Variants in EIF2AK2 observed in about 807,000 individuals in gnomAD.
The protein encoded by EIF2AK2 is interferon-induced, double-stranded RNA-activated protein kinase.
A neutral mutation model predicts 70.5 loss-of-function variants in EIF2AK2; 40 were observed. That is an observed-to-expected ratio of 0.57 (90% confidence interval 0.44 to 0.74). EIF2AK2 has a LOEUF of 0.74. Among genes scored for constraint, EIF2AK2 ranks in the 30% least tolerant of loss-of-function variants. The pLI, the probability that EIF2AK2 is intolerant of heterozygous loss-of-function variation, is 0.00. For synonymous variants in EIF2AK2, 198 were observed against 220.9 expected, an observed-to-expected ratio of 0.90 and a Z score of 0.92; for missense variants, 555 against 644.3, an observed-to-expected ratio of 0.86 and a Z score of 1.50.
rs75516202 is a variant in EIF2AK2 at position 37,133,851 on chromosome 2, G to A, written c.785+1633C>T. Among the ~76,000 whole-genome samples, 1,174 of 152,118 alleles carry A rather than the reference G, an allele frequency of 7.7e-3. 20 individuals carry two copies. Among genetic ancestry groups the A allele is most frequent in the African/African-American group, 0.027 (1,116 of 41,490 alleles). On this transcript the variant is annotated intron_variant, in intron 10 of 16. Transcript: ENST00000233057. ...TCCTTACTATTCCACGGGATTTATG[G>A]CTTCAAGGAACCTTCCAGGACTTTA...
intron 1 of EIF2AK2, among the ~76,000 whole-genome samples, chr2:37,153,235 G>A (rs901493279): frequency 4.6e-5 from 7 of 150,846 alleles, no homozygotes; most frequent in African/African-American, 1.2e-4. Flanking sequence ...TTGTGTAGCC[G>A]CCACCACATC....
rs746043207 is a variant in EIF2AK2, at chr2:37,126,307, C to T, written c.890G>A (p.Arg297His). The T allele has an allele frequency of 3.1e-6, 5 of 1,605,128 alleles. No individual in the cohort carries two copies. The highest frequency in any genetic ancestry group is 1.7e-5 in the Admixed American group (1 of 57,536). ...RIDGKTYVIKRVKYNNEKAER... is the reference protein window; with the variant it reads ...RIDGKTYVIKHVKYNNEKAER... ...TACTTACTCGTTATTATATTTAACA[C>T]GTTTAATAACGTAAGTCTTTCCGTC... The change falls in exon 11 of 17, where the codon CGT (arginine) becomes CAT (histidine). Residue 297 changes from arginine (R) to histidine (H), a missense_variant. Coordinates refer to ENST00000233057, the MANE Select transcript of EIF2AK2 (RefSeq NM_001135651.3).
chr2:37,143,866 C>CA (rs1675429459), intron 4 of EIF2AK2, among the ~76,000 whole-genome samples: 1 of 152,052 alleles, frequency 6.6e-6, no homozygotes, highest in South Asian at 2.1e-4. Flanking sequence ...GCCTGGGTGA[C>CA]AGAGTACGAC....
At chr2:37,153,345 T>C (rs1347881565) in intron 1 of EIF2AK2, among the ~76,000 whole-genome samples, 1 of 144,280 alleles carries the variant, frequency 6.9e-6, no homozygotes, top group Admixed American at 6.9e-5. Flanking sequence ...ATCTTTTTTT[T>C]TTTTTTTTTT....
rs566438160 is a variant in EIF2AK2 at position 37,122,438 on chromosome 2, G to A, written c.1067+68C>T. On this transcript the variant is annotated intron_variant, in intron 12 of 16. Coordinates refer to ENST00000233057, the MANE Select transcript of EIF2AK2 (RefSeq NM_001135651.3). Reference sequence around the variant, plus strand: ...GTGATGATTAATAGCCTTATCCAGTGGCCCATACATAGTAAATAACAATTT... The same window carrying A: ...GTGATGATTAATAGCCTTATCCAGTAGCCCATACATAGTAAATAACAATTT... 1,345 of 1,502,258 alleles carry A rather than the reference G, an allele frequency of 9.0e-4. 21 individuals are homozygous for A. The South Asian group carries it at 0.015, about 17-fold the overall frequency. 93.1% of individuals were successfully genotyped at this position (1,502,258 alleles called of 1,614,324 possible).
intron 10 of EIF2AK2, among the ~76,000 whole-genome samples, chr2:37,128,120 C>T (rs1476028932): frequency 1.3e-5 from 2 of 152,248 alleles, no homozygotes; most frequent in Non-Finnish European, 2.9e-5. Context: ...TTTGTTCCTA[C>T]CATAAACCTG....
chr2:37,141,672 CGTT>C lies in EIF2AK2; in HGVS notation c.267_269del (p.Thr90del). 1 of 1,612,870 alleles carries C rather than the reference CGTT, an allele frequency of 6.2e-7. No individual in the cohort carries two copies. The highest frequency in any genetic ancestry group is 8.5e-7 in the Non-Finnish European group (1 of 1,179,592). The stretch of plus-strand genomic sequence containing the variant: ...CCATGGATAATCCTTCTGAAGAATT[CGTT>C]GTTGTCAATAATAAAGGACTAACTG... On this transcript the variant is annotated inframe_deletion, in exon 5 of 17. Transcript: ENST00000233057.
chr2:37,122,584 A>C lies in EIF2AK2; in HGVS notation c.989T>G (p.Phe330Cys). 1 of 1,614,178 alleles carries C rather than the reference A, an allele frequency of 6.2e-7. No homozygotes were observed. The highest frequency in any genetic ancestry group is 8.5e-7 in the Non-Finnish European group (1 of 1,180,028). Residue 330 changes from phenylalanine (F) to cysteine (C), a missense_variant, in exon 12 of 17, where the codon TTT becomes TGT. Phe to Cys is a radical substitution (Grantham distance 205). Coordinates refer to ENST00000233057, the MANE Select transcript of EIF2AK2 (RefSeq NM_001135651.3). ...IVHYNGCWDG[F>C]DYDPETSDDS... ...ATCACTGGTCTCAGGATCATAATCA[A>C]ATCCATCCCAACAGCCATTGTAGTG...
chr2:37,146,001 G>A (rs565597446), intron 4 of EIF2AK2, among the ~76,000 whole-genome samples: 3 of 151,984 alleles, frequency 2.0e-5, no homozygotes, highest in Non-Finnish European at 4.4e-5. Context: ...TGATCCACCC[G>A]CCTCAGCTTC....
At chr2:37,123,051 C>T (rs2148680080) in intron 11 of EIF2AK2, among the ~76,000 whole-genome samples, 1 of 151,892 alleles carries the variant, frequency 6.6e-6, no homozygotes, top group South Asian at 2.1e-4. Flanking sequence ...GTCTGTAATC[C>T]CAGCTACTTG....
chr2:37,141,796 T>G (rs1386364941), intron 4 of EIF2AK2, 95 bp from the exon 5 acceptor site: 1 of 1,278,456 alleles, frequency 7.8e-7, no homozygotes, highest in East Asian at 2.6e-5. Flanking sequence ...AATGAGCAAT[T>G]TGAAAGACAA....
chr2:37,113,038 G>C (rs1674210825), intron 14 of EIF2AK2, among the ~76,000 whole-genome samples: 1 of 151,994 alleles, frequency 6.6e-6, no homozygotes, highest in Admixed American at 6.6e-5. Context: ...ATTCACACGG[G>C]GAAAATCAAG....
Position 37,099,991 on chromosome 2 carries a change from G to A in EIF2AK2, c.*7282C>T, listed in dbSNP as rs959716943. On this transcript the variant is annotated 3_prime_UTR_variant, in exon 17 of 17. Coordinates refer to ENST00000233057, the MANE Select transcript of EIF2AK2 (RefSeq NM_001135651.3). ...GGTTACCTAGAGTTGTGAGAAAACA[G>A]AGTGAATACTAACGGGCATAGGGTT... The A allele has an allele frequency of 3.3e-5, 5 of 152,270 alleles. No individual in the cohort carries two copies. The highest frequency in any genetic ancestry group is 1.2e-4 in the African/African-American group (5 of 41,518). The allele number at this position is 152,270 out of a possible 1,614,324, so 9.4% of individuals were successfully genotyped here.
intron 1 of EIF2AK2, chr2:37,149,362 C>T: frequency 1.6e-6 from 1 of 609,104 alleles, no homozygotes; most frequent in Non-Finnish European, 2.8e-6. Context: ...TTCGGTTACT[C>T]TAAGATACAT....
chr2:37,139,314 CAAAAA>C (rs111711091), intron 6 of EIF2AK2, among the ~76,000 whole-genome samples: 1 of 67,376 alleles, frequency 1.5e-5, no homozygotes, highest in Non-Finnish European at 3.1e-5. Flanking sequence ...GATTCCATCT[CAAAAA>C]AAAAAAAAAA....
Position 37,102,321 on chromosome 2 carries a change from G to A in EIF2AK2, c.*4952C>T, listed in dbSNP as rs1195740012. ...GGTTAGATGTATTAAGAACGGTAAA[G>A]TATTGATATTTGTTGCAGCTGGGTG... On this transcript the variant is annotated 3_prime_UTR_variant, in exon 17 of 17. Coordinates refer to ENST00000233057, the MANE Select transcript of EIF2AK2 (RefSeq NM_001135651.3). The A allele has an allele frequency of 2.0e-5, 3 of 152,106 alleles. No homozygotes were observed. The highest frequency in any genetic ancestry group is 4.4e-5 in the Non-Finnish European group (3 of 68,020). The allele number at this position is 152,106 out of a possible 1,614,324, so 9.4% of individuals were successfully genotyped here. A position where few individuals can be genotyped will look rare whatever the true frequency, so the allele number is the denominator to read the frequency against.
At chr2:37,119,208 C>G (rs1258022331) in intron 13 of EIF2AK2, among the ~76,000 whole-genome samples, 1 of 152,120 alleles carries the variant, frequency 6.6e-6, no homozygotes, top group African/African-American at 2.4e-5. Context: ...CCATAAAAGC[C>G]AGAGGAAAAT....
intron 10 of EIF2AK2, 50 bp from the exon 11 acceptor site, chr2:37,126,461 C>G: frequency 6.4e-7 from 1 of 1,562,318 alleles, no homozygotes; most frequent in Non-Finnish European, 8.7e-7. Context: ...TCAACCCCCA[C>G]CCCCCCGCCT....
At chr2:37,120,508 CAAAA>C (rs1355178517) in intron 12 of EIF2AK2, among the ~76,000 whole-genome samples, 1 of 6,924 alleles carries the variant, frequency 1.4e-4, no homozygotes, top group Non-Finnish European at 8.1e-4. Context: ...TTCCGTCTCA[CAAAA>C]AAAAAAAAAA....
Sources: allele counts gnomAD v4.1 joint callset (sites outside exome capture counted in the v4.1 genomes callset), GRCh38; gene constraint gnomAD v4.1.1; transcripts MANE v1.5; gene names NCBI Gene and HGNC (gene_info 2026-07-23, HGNC 2026-07-21).